Variants in DAB1 observed in about 807,000 individuals in gnomAD.
DAB1 encodes DAB adaptor protein 1, also known as disabled homolog 1.
Under a neutral mutation model 64.6 loss-of-function variants are expected in DAB1, and 15 were observed. That is an observed-to-expected ratio of 0.23 (90% CI 0.16 to 0.36). The LOEUF is 0.36. Among genes scored for constraint, DAB1 ranks in the 10% least tolerant of loss-of-function variants. DAB1 has a pLI of 1.00. For missense variants in DAB1, 596 were observed against 706.7 expected (o/e 0.84, Z 1.78); for synonymous variants, 235 against 251.9 (o/e 0.93, Z 0.64).
intron 3 of DAB1, among the ~76,000 whole-genome samples, chr1:58,372,882 T>G (rs1569697499): frequency 6.6e-6 from 1 of 152,296 alleles, no homozygotes; most frequent in Non-Finnish European, 1.5e-5. Context: ...TCCCCACCCC[T>G]GTAGAACTGT....
chr1:57,015,501 G>A, intron 11 of DAB1, 70 bp from the exon 12 acceptor site: 1 of 1,381,696 alleles, frequency 7.2e-7, no homozygotes, highest in South Asian at 1.4e-5. Context: ...ATGGACTCAG[G>A]TAATTGACAG....
chr1:57,965,289 A>T (rs1413762242), intron 5 of DAB1, among the ~76,000 whole-genome samples: 1 of 152,192 alleles, frequency 6.6e-6, no homozygotes, highest in Non-Finnish European at 1.5e-5. Flanking sequence ...TTTTCTTCAG[A>T]AAGGCAATAG....
At chr1:57,452,166 C>CCCCTTT (rs367685387) in intron 7 of DAB1, among the ~76,000 whole-genome samples, 4 of 75,016 alleles carry the variant, frequency 5.3e-5, no homozygotes, top group Non-Finnish European at 9.2e-5. Context: ...TGCACCCCCC[C>CCCCTTT]TTTTTTTTTT....
intron 2 of DAB1, among the ~76,000 whole-genome samples, chr1:57,172,773 A>T (rs1054630722): frequency 6.6e-6 from 1 of 152,166 alleles, no homozygotes; most frequent in African/African-American, 2.4e-5. Context: ...GCCATTCTCA[A>T]GGAATCTGCC....
chr1:57,847,786 A>G (rs1448505243), intron 1 of DAB1, among the ~76,000 whole-genome samples: 1 of 152,192 alleles, frequency 6.6e-6, no homozygotes, highest in Non-Finnish European at 1.5e-5. Flanking sequence ...TTGAATGAAC[A>G]ATAAAAAGAC....
intron 1 of DAB1, chr1:58,527,432 T>A: frequency 1.4e-6 from 1 of 695,752 alleles, no homozygotes; most frequent in Admixed American, 2.1e-5. Flanking sequence ...TCATGGAGTA[T>A]CTAGGATAAA....
chr1:58,417,858 T>C (rs1644735531), intron 3 of DAB1, among the ~76,000 whole-genome samples: 1 of 152,202 alleles, frequency 6.6e-6, no homozygotes, highest in Admixed American at 6.5e-5. Flanking sequence ...GTCCTGCCAC[T>C]TTAAGCCCCT....
intron 7 of DAB1, among the ~76,000 whole-genome samples, chr1:57,490,368 G>C (rs923922254): frequency 3.9e-5 from 6 of 152,070 alleles, no homozygotes; most frequent in African/African-American, 7.2e-5. Flanking sequence ...TCTTGATTCA[G>C]TACTCACTTT....
chr1:57,031,733 G>T lies in DAB1; in HGVS notation c.724-5690C>A, dbSNP rs3754265. On this transcript the variant is annotated intron_variant, in intron 9 of 14. Transcript: ENST00000371236. ...CAACATTCTCTAACCAGAAATCTGG[G>T]TTGCTAGGAGGTCTTCCATGATGCA... is the stretch of plus-strand genomic sequence containing the variant. Among the ~76,000 whole-genome samples the T allele has an allele frequency of 8.8e-3, 1,346 of 152,316 alleles. 82 individuals carry two copies. The East Asian group carries it at 0.17, about 19-fold the overall frequency.
chr1:58,096,552 AATG>A (rs1650993783), intron 5 of DAB1, among the ~76,000 whole-genome samples: 1 of 152,222 alleles, frequency 6.6e-6, no homozygotes, highest in Non-Finnish European at 1.5e-5. Context: ...TCATTAAGAC[AATG>A]ATACTTTGTT....
At chr1:58,381,513 A>C (rs1372864999) in intron 3 of DAB1, among the ~76,000 whole-genome samples, 1 of 152,224 alleles carries the variant, frequency 6.6e-6, no homozygotes, top group Non-Finnish European at 1.5e-5. Context: ...GAAAGTCAAG[A>C]ACCAGTTGGG....
chr1:57,118,603 A>G (rs1656357067), intron 4 of DAB1, among the ~76,000 whole-genome samples: 1 of 152,194 alleles, frequency 6.6e-6, no homozygotes, highest in Admixed American at 6.5e-5. Flanking sequence ...GAATGAATTT[A>G]CAGTTTGGAA....
At chr1:57,679,299 T>G (rs762646750) in intron 6 of DAB1, among the ~76,000 whole-genome samples, 5 of 152,106 alleles carry the variant, frequency 3.3e-5, no homozygotes, top group African/African-American at 4.8e-5. Context: ...CTAAGATTCC[T>G]CTCCACATCT....
Position 57,786,933 on chromosome 1 carries a change from A to G in DAB1, n.551+97066T>C, listed in dbSNP as rs11805316. Among the ~76,000 whole-genome samples the G allele has an allele frequency of 2.4e-4, 36 of 152,300 alleles. 1 individual carries two copies. Among genetic ancestry groups the G allele is most frequent in the African/African-American group, 8.4e-4 (35 of 41,568 alleles). On this transcript the variant is annotated intron_variant and non_coding_transcript_variant, in intron 6 of 20. Transcript: ENST00000485760. The stretch of plus-strand genomic sequence containing the variant: ...AATCCCTCACAATAGCATTAAAAAA[A>G]TGAAATGGGCATAAATCTAACAAAA...
chr1:58,188,197 C>A lies in DAB1; in HGVS notation n.310-37609G>T, dbSNP rs184800076. Among the ~76,000 whole-genome samples, 324 of 152,278 alleles carry A rather than the reference C, an allele frequency of 2.1e-3. 4 individuals are homozygous for A. Among genetic ancestry groups the A allele is most frequent in the African/African-American group, 7.4e-3 (307 of 41,552 alleles). On this transcript the variant is annotated intron_variant and non_coding_transcript_variant, in intron 4 of 20. Transcript: ENST00000485760. ...GTGCTGGGATTACAGGCATAAGCCA[C>A]CATACTCAGCCAGTTTTTGCATTTT...
chr1:57,827,411 A>G (rs1406391919), intron 1 of DAB1, among the ~76,000 whole-genome samples: 2 of 152,200 alleles, frequency 1.3e-5, no homozygotes, highest in Non-Finnish European at 2.9e-5. Context: ...CTTTTCTGCA[A>G]TCCCAGCTTT....
chr1:57,410,937 G>A (rs1167830275), intron 1 of DAB1, among the ~76,000 whole-genome samples: 3 of 152,176 alleles, frequency 2.0e-5, no homozygotes, highest in Admixed American at 6.5e-5. Flanking sequence ...GGGAAGAAGA[G>A]GAATTTGAAA....
At chr1:57,798,589 T>A (rs1203859731) in intron 6 of DAB1, among the ~76,000 whole-genome samples, 2 of 152,236 alleles carry the variant, frequency 1.3e-5, no homozygotes, top group Non-Finnish European at 2.9e-5. Context: ...ATTCATGTGG[T>A]CTCACCTCTC....
chr1:57,652,437 A>G (rs1374891735), intron 6 of DAB1, among the ~76,000 whole-genome samples: 1 of 152,158 alleles, frequency 6.6e-6, no homozygotes, highest in Non-Finnish European at 1.5e-5. Context: ...GGCTGATTTG[A>G]GTCAGAATAA....
Sources: allele counts gnomAD v4.1 joint callset (sites outside exome capture counted in the v4.1 genomes callset), GRCh38; gene constraint gnomAD v4.1.1; transcripts MANE v1.5; gene names NCBI Gene and HGNC (gene_info 2026-07-23, HGNC 2026-07-21).